The following NAA16 variants were observed in gnomAD, a reference collection of about 807,000 sequenced individuals.
NAA16 encodes NARG1-like protein.
A neutral mutation model predicts 110.3 loss-of-function variants in NAA16; 97 were observed. The observed-to-expected ratio is 0.88, with a 90% CI of 0.75 to 1.04. The LOEUF is 1.04. Ranked by LOEUF, NAA16 falls within the 50% of genes least tolerant of loss-of-function variation. The pLI, the probability that NAA16 is intolerant of heterozygous loss-of-function variation, is 0.00. For missense variants in NAA16, 1,017 were observed against 1,005.1 expected (o/e 1.01, Z -0.16); for synonymous variants, 372 against 330.6 (o/e 1.13, Z -1.36).
intron 1 of NAA16, among the ~76,000 whole-genome samples, chr13:41,313,862 T>G (rs1239994231): frequency 8.8e-6 from 1 of 113,514 alleles, no homozygotes; most frequent in East Asian, 2.7e-4. Context: ...AATGTAGATT[T>G]GTCTTTTTTT....
chr13:41,362,047 T>C lies in NAA16; in HGVS notation c.1427T>C (p.Met476Thr). The change falls in exon 13 of 20, where the codon ATG becomes ACG. Residue 476 changes from methionine to threonine, a missense_variant. Transcript: ENST00000379406. Reference protein sequence around the residue: ...SKFTREGTSAMENLNEMQCMW... With the variant: ...SKFTREGTSATENLNEMQCMW... ...CCATTTCAGGAAGGAACATCTGCCATGGAAAATCTAAATGAAATGCAGTGT... is the reference window on the plus strand; with the variant it reads ...CCATTTCAGGAAGGAACATCTGCCACGGAAAATCTAAATGAAATGCAGTGT... 1.2e-6 allele frequency: 2 copies of C among 1,611,236 alleles called. No individual in the cohort carries two copies. The highest frequency in any genetic ancestry group is 2.2e-5 in the East Asian group (1 of 44,664).
intron 8 of NAA16, among the ~76,000 whole-genome samples, chr13:41,332,382 A>T (rs963275097): frequency 2.6e-5 from 4 of 152,186 alleles, no homozygotes; most frequent in African/African-American, 9.7e-5. Context: ...CTTTATATAA[A>T]TAGGAGTACT....
At chr13:41,352,436 C>T (rs940787896) in intron 9 of NAA16, among the ~76,000 whole-genome samples, 1 of 152,052 alleles carries the variant, frequency 6.6e-6, no homozygotes, top group Admixed American at 6.6e-5. Flanking sequence ...GGGCGGGTCA[C>T]CTGAGGTCAG....
chr13:41,331,116 C>A (rs935255464), intron 7 of NAA16, among the ~76,000 whole-genome samples, 158 bp from the exon 8 acceptor site: 1 of 151,956 alleles, frequency 6.6e-6, no homozygotes, highest in Non-Finnish European at 1.5e-5. Context: ...AGTATTTTGC[C>A]ACCACAGAGT....
At chr13:41,329,807 CAT>C (rs1338054586) in intron 7 of NAA16, among the ~76,000 whole-genome samples, 1 of 151,970 alleles carries the variant, frequency 6.6e-6, no homozygotes. Context: ...AAACTAGTAA[CAT>C]TACGATTTAT....
intron 9 of NAA16, among the ~76,000 whole-genome samples, chr13:41,348,313 G>A (rs777938893): frequency 3.3e-5 from 5 of 151,940 alleles, no homozygotes; most frequent in Non-Finnish European, 5.9e-5. Context: ...GACTACCGGC[G>A]TGCACCACCA....
intron 9 of NAA16, among the ~76,000 whole-genome samples, chr13:41,352,959 A>AG (rs1250458748): frequency 6.6e-6 from 1 of 152,084 alleles, no homozygotes; most frequent in Non-Finnish European, 1.5e-5. Context: ...TCTACTAAAA[A>AG]TAGAAAAATT....
At position 41,369,246 on chromosome 13, in the gene NAA16, G is replaced by T. The variant is rs1275883582; in HGVS notation, c.1910G>T (p.Gly637Val). Residue 637 changes from glycine to valine, a missense_variant, in exon 15 of 20, where the codon GGC becomes GTC. Transcript: ENST00000379406. ...GATGAAGAAGAAGAAGAAGCCAGTG[G>T]CCTTAAGGAAGAACTTATACCTGAA... Reference protein sequence around the residue: ...KRDEEEEEASGLKEELIPEKL... With the variant: ...KRDEEEEEASVLKEELIPEKL... The T allele has an allele frequency of 6.3e-7, 1 of 1,582,698 alleles. No individual in the cohort carries two copies. The highest frequency in any genetic ancestry group is 8.5e-7 in the Non-Finnish European group (1 of 1,172,062).
intron 8 of NAA16, among the ~76,000 whole-genome samples, chr13:41,332,444 C>T (rs1313262860): frequency 6.6e-6 from 1 of 152,068 alleles, no homozygotes; most frequent in Non-Finnish European, 1.5e-5. Flanking sequence ...TATTCATGAC[C>T]TTGAGTCGAG....
At position 41,311,570 on chromosome 13, in the gene NAA16, C is replaced by G; in HGVS notation, c.42C>G (p.Phe14Leu). 6.2e-7 allele frequency: 1 copy of G among 1,608,588 alleles called. No homozygotes were observed. Among genetic ancestry groups the G allele is most frequent in the Non-Finnish European group, 8.5e-7 (1 of 1,177,810 alleles). Residue 14 changes from phenylalanine to leucine, a missense_variant, in exon 1 of 20, where the codon TTC (phenylalanine) becomes TTG (leucine). Phe to Leu is a conservative substitution (Grantham distance 22, BLOSUM62 0). Coordinates refer to ENST00000379406, the MANE Select transcript of NAA16 (RefSeq NM_024561.5). ...VLLPPKESNL[F>L]KRILKCYEQK... The stretch of plus-strand genomic sequence containing the variant: ...TGCCGCCCAAGGAGAGCAACCTCTT[C>G]AAACGCATCTTGGTGAGTGGCCGTA...
intron 9 of NAA16, among the ~76,000 whole-genome samples, chr13:41,352,614 C>T (rs1010403117): frequency 2.0e-5 from 3 of 152,014 alleles, no homozygotes; most frequent in Non-Finnish European, 4.4e-5. Flanking sequence ...GAGATCACAC[C>T]ACTGTACTCC....
intron 6 of NAA16, among the ~76,000 whole-genome samples, chr13:41,326,829 C>G (rs1285224656): frequency 6.6e-6 from 1 of 152,172 alleles, no homozygotes; most frequent in East Asian, 1.9e-4. Context: ...CTGTCATGCT[C>G]TATGGGTTTT....
chr13:41,372,964 A>G (rs890898748), intron 17 of NAA16, 134 bp downstream of exon 17: 5 of 1,146,394 alleles, frequency 4.4e-6, no homozygotes, highest in South Asian at 6.4e-5. Flanking sequence ...TTGTATTTTC[A>G]TGATACAAAT....
chr13:41,373,715 A>G lies in NAA16; in HGVS notation c.2234A>G (p.Asp745Gly). ...ATGCAGAAAATATTTGTCAAAAAGG[A>G]TTTGGAAAGTTTTAATGAGGATTTT... ...QEMQKIFVKK[D>G]LESFNEDFLK... The change falls in exon 18 of 20, where the codon GAT (aspartate) becomes GGT (glycine). Residue 745 changes from aspartate to glycine, a missense_variant. Coordinates refer to ENST00000379406, the MANE Select transcript of NAA16 (RefSeq NM_024561.5). The G allele has an allele frequency of 6.2e-7, 1 of 1,611,048 alleles. No homozygotes were observed.
chr13:41,316,695 C>T, intron 1 of NAA16, 151 bp from the exon 2 acceptor site: 1 of 540,792 alleles, frequency 1.8e-6, no homozygotes, highest in Non-Finnish European at 3.3e-6. Context: ...GAATAGGTAA[C>T]AAAAGTACAC....
Position 41,311,487 on chromosome 13 carries a change from C to T in NAA16, c.-42C>T. ...CCCCGCGAAGCGGAGCGCCCGGGCA[C>T]CTAGCCTCCCTGCCGGCCACCTAGC... On this transcript the variant is annotated 5_prime_UTR_variant, in exon 1 of 20. Coordinates refer to ENST00000379406, the MANE Select transcript of NAA16 (RefSeq NM_024561.5). 6.4e-7 allele frequency: 1 copy of T among 1,565,048 alleles called. No homozygotes were observed. The highest frequency in any genetic ancestry group is 1.2e-5 in the South Asian group (1 of 85,148).
intron 2 of NAA16, among the ~76,000 whole-genome samples, chr13:41,318,164 A>G (rs1348076000): frequency 6.6e-6 from 1 of 151,746 alleles, no homozygotes; most frequent in Non-Finnish European, 1.5e-5. Flanking sequence ...TGGAACTGCT[A>G]TGGTAGATTT....
In NAA16 at chr13:41,375,672, A is replaced by G. The variant is rs1222058335; in HGVS notation, c.*70A>G. ...GATCAGGGTTTCTTTTCCAGGGTGC[A>G]TTTTAATATACGTATGAAATGAAAT... On this transcript the variant is annotated 3_prime_UTR_variant, in exon 20 of 20. Coordinates refer to ENST00000379406, the MANE Select transcript of NAA16 (RefSeq NM_024561.5). 2 of 1,105,028 alleles carry G rather than the reference A, an allele frequency of 1.8e-6. No individual in the cohort carries two copies. Among genetic ancestry groups the G allele is most frequent in the African/African-American group, 3.2e-5 (2 of 63,400 alleles). The allele number at this position is 1,105,028 out of a possible 1,614,324, so 68.5% of individuals were successfully genotyped here.
At chr13:41,361,443 C>G (rs1332803644) in intron 12 of NAA16, among the ~76,000 whole-genome samples, 1 of 152,216 alleles carries the variant, frequency 6.6e-6, no homozygotes, top group Admixed American at 6.5e-5. Flanking sequence ...GCTGAAATAG[C>G]TTTTGCTTGA....
Sources: gnomAD v4.1 joint callset for allele counts (sites outside exome capture counted in the v4.1 genomes callset) on GRCh38, gnomAD v4.1.1 for gene constraint, MANE v1.5 for transcripts, NCBI Gene and HGNC (gene_info 2026-07-23, HGNC 2026-07-21) for gene names.